The following PALM2AKAP2 variants were observed in gnomAD, a reference collection of about 807,000 sequenced individuals.
PALM2AKAP2 encodes the protein PALM2-AKAP2 fusion protein.
Under a neutral mutation model 71.5 loss-of-function variants are expected in PALM2AKAP2, and 37 were observed. That is an observed-to-expected ratio of 0.52 (90% CI 0.40 to 0.68). PALM2AKAP2 has a LOEUF of 0.68. Ranked by LOEUF, PALM2AKAP2 falls within the 30% of genes least tolerant of loss-of-function variation. The pLI, the probability that PALM2AKAP2 is intolerant of heterozygous loss-of-function variation, is 0.00. For synonymous variants in PALM2AKAP2, 468 were observed against 478.8 expected (o/e 0.98, Z 0.29); for missense variants, 1,224 against 1,191.8 (o/e 1.03, Z -0.40).
intron 6 of PALM2AKAP2, among the ~76,000 whole-genome samples, chr9:109,936,838 G>A (rs558007675): frequency 5.3e-5 from 8 of 152,126 alleles, no homozygotes; most frequent in South Asian, 2.1e-4. Context: ...TAATGACAGC[G>A]GAACATGTGG....
At chr9:109,770,056 T>C (rs1243579670) in intron 1 of PALM2AKAP2, among the ~76,000 whole-genome samples, 3 of 152,194 alleles carry the variant, frequency 2.0e-5, no homozygotes, top group Non-Finnish European at 4.4e-5. Context: ...TTCTGTGCCA[T>C]CAACAGTGAA....
intron 3 of PALM2AKAP2, among the ~76,000 whole-genome samples, chr9:110,158,172 A>G (rs1190437371): frequency 6.6e-6 from 1 of 152,086 alleles, no homozygotes; most frequent in Non-Finnish European, 1.5e-5. Context: ...AGTCACTTTC[A>G]CCAGCCCTTC....
At chr9:109,741,163 G>A (rs925242820) in intron 1 of PALM2AKAP2, among the ~76,000 whole-genome samples, 5 of 152,110 alleles carry the variant, frequency 3.3e-5, no homozygotes, top group African/African-American at 9.7e-5. Flanking sequence ...CCAGCCCAGA[G>A]GTAACCAGTG....
chr9:109,997,146 C>T (rs1371310961), intron 6 of PALM2AKAP2, among the ~76,000 whole-genome samples: 8 of 152,134 alleles, frequency 5.3e-5, no homozygotes, highest in African/African-American at 4.8e-5. Flanking sequence ...GTCATGATCA[C>T]GCCACTGCAT....
In PALM2AKAP2 at chr9:109,878,533, C is replaced by T. The variant is rs115947593; in HGVS notation, c.127-2018C>T. Reference sequence around the variant, plus strand: ...ATTTGTAATGAAAAGGCAAGAATAACATCAATAAAAACCATGGTCACCTGA... The same window carrying T: ...ATTTGTAATGAAAAGGCAAGAATAATATCAATAAAAACCATGGTCACCTGA... On this transcript the variant is annotated intron_variant, in intron 2 of 9. Transcript: ENST00000302798. Among the ~76,000 whole-genome samples the T allele has an allele frequency of 8.0e-3, 1,222 of 152,226 alleles. 17 individuals carry two copies. Among genetic ancestry groups the T allele is most frequent in the African/African-American group, 0.027 (1,140 of 41,530 alleles).
At chr9:110,067,493 A>G (rs75422603) in intron 1 of PALM2AKAP2, among the ~76,000 whole-genome samples, 474 of 152,318 alleles carry the variant, frequency 3.1e-3, no homozygotes, top group Middle Eastern at 0.01. Flanking sequence ...TGAATGCATT[A>G]TTAGCCAGAA....
rs1828630077 is a variant in PALM2AKAP2, at chr9:109,840,572, G to A, written c.46-26919G>A. ...CAGCAAAAGAAACTACCATCAGAGT[G>A]AACAGGCAACCTACAGAATGGGAGA... On this transcript the variant is annotated intron_variant, in intron 1 of 9. Coordinates refer to the PALM2AKAP2 transcript ENST00000302798. 1.3e-5 allele frequency among the ~76,000 whole-genome samples: 2 copies of A among 152,182 alleles called. 1 individual carries two copies. The highest frequency in any genetic ancestry group is 4.1e-4 in the South Asian group (2 of 4,834).
intron 1 of PALM2AKAP2, chr9:109,760,761 CTCACG>C (rs2118733942): frequency 6.6e-6 from 1 of 152,280 alleles, no homozygotes; most frequent in African/African-American, 2.4e-5. Context: ...GTTAAATGAA[CTCACG>C]AAACAAGTAT....
Position 110,063,630 on chromosome 9 carries a change from G to C in PALM2AKAP2, c.156+14775G>C, listed in dbSNP as rs189759400. 8.6e-4 allele frequency among the ~76,000 whole-genome samples: 131 copies of C among 151,876 alleles called. 1 individual carries two copies. Among genetic ancestry groups the C allele is most frequent in the African/African-American group, 2.7e-3 (111 of 41,394 alleles). ...AATTTTTTTTTGTATTTTTAGTAGA[G>C]ACAAAATTTCACCACGTTGGCCAGG... On this transcript the variant is annotated intron_variant, in intron 1 of 3. Coordinates refer to ENST00000374525, the Ensembl canonical transcript of PALM2AKAP2.
At chr9:109,855,811 AG>A (rs1428491715) in intron 1 of PALM2AKAP2, among the ~76,000 whole-genome samples, 2 of 152,232 alleles carry the variant, frequency 1.3e-5, no homozygotes, top group East Asian at 3.8e-4. Context: ...AGTGCAAAGA[AG>A]GGAAGTACAG....
At chr9:109,722,647 C>T (rs1828423145) in intron 1 of PALM2AKAP2, among the ~76,000 whole-genome samples, 1 of 152,030 alleles carries the variant, frequency 6.6e-6, no homozygotes, top group African/African-American at 2.4e-5. Context: ...TGGCATGCAC[C>T]CGTAGACCCA....
intron 1 of PALM2AKAP2, among the ~76,000 whole-genome samples, chr9:109,731,394 C>G (rs1360756126): frequency 6.6e-6 from 1 of 152,160 alleles, no homozygotes; most frequent in Non-Finnish European, 1.5e-5. Context: ...TCTCATCTTC[C>G]TACTCTTCTG....
Position 109,867,580 on chromosome 9 carries a change from C to T in PALM2AKAP2, c.126+9C>T, listed in dbSNP as rs1325534088. The T allele has an allele frequency of 6.2e-7, 1 of 1,610,192 alleles. No individual in the cohort carries two copies. Among genetic ancestry groups the T allele is most frequent in the South Asian group, 1.1e-5 (1 of 90,830 alleles). On this transcript the variant is annotated intron_variant, in intron 2 of 9. Transcript: ENST00000302798. ...TGCTGCAGCATTCCAAGGTAAGCAG[C>T]TGATCCCAGGAACCTATTCCATTAT...
At chr9:109,839,560 A>G (rs1228105733) in intron 1 of PALM2AKAP2, among the ~76,000 whole-genome samples, 3 of 152,224 alleles carry the variant, frequency 2.0e-5, no homozygotes, top group African/African-American at 7.2e-5. Context: ...AGAAAGAAAT[A>G]AAGGGTATTC....
intron 1 of PALM2AKAP2, among the ~76,000 whole-genome samples, chr9:110,111,086 C>CTTTTTTTTTTTTTTT (rs34958946): frequency 1.2e-3 from 100 of 84,186 alleles, no homozygotes; most frequent in East Asian, 1.6e-3. Context: ...TTTCTTTCTT[C>CTTTTTTTTTTTTTTT]TTTTTTTTTT....
rs551110019 is a variant in PALM2AKAP2, at chr9:110,037,017, C to T, written c.582+20978C>T. Among the ~76,000 whole-genome samples the T allele has an allele frequency of 2.6e-5, 4 of 152,284 alleles. No individual in the cohort carries two copies. In the South Asian group the frequency reaches 8.3e-4, roughly 32 times the overall value. ...TTTTCTTTATAACAATTACCGCCTC[C>T]TGACACAAAATACATTTCATGTATC... On this transcript the variant is annotated intron_variant, in intron 7 of 9. Transcript: ENST00000302798.
At chr9:110,128,579 A>G (rs964534283) in intron 1 of PALM2AKAP2, among the ~76,000 whole-genome samples, 4 of 152,230 alleles carry the variant, frequency 2.6e-5, no homozygotes, top group African/African-American at 4.8e-5. Flanking sequence ...TTTAGTAGGA[A>G]GTAATCTGGG....
intron 1 of PALM2AKAP2, among the ~76,000 whole-genome samples, chr9:109,692,400 T>C (rs1827911910): frequency 6.6e-6 from 1 of 151,964 alleles, no homozygotes; most frequent in South Asian, 2.1e-4. Context: ...TTGAAAAATA[T>C]AGTCTTAATT....
intron 7 of PALM2AKAP2, among the ~76,000 whole-genome samples, chr9:110,032,691 AAAATAAATAAAT>A (rs200694533): frequency 0.17 from 22,862 of 131,312 alleles, 2,268 homozygotes; most frequent in East Asian, 0.27. Flanking sequence ...ATTCTGTCTC[AAAATAAATAAAT>A]AAATAAATAA....
Sources: allele counts gnomAD v4.1 joint callset (sites outside exome capture counted in the v4.1 genomes callset), GRCh38; gene constraint gnomAD v4.1.1; transcripts MANE v1.5; gene names NCBI Gene and HGNC (gene_info 2026-07-23, HGNC 2026-07-21).